Variants in ADGB observed in about 807,000 individuals in gnomAD.
ADGB encodes the protein androglobin, also known as calpain-7-like protein.
ADGB carries 172 observed loss-of-function variants against 210.5 expected under a neutral mutation model. That is an observed-to-expected ratio of 0.82 (90% CI 0.72 to 0.93). ADGB has a LOEUF of 0.93. Among genes scored for constraint, ADGB ranks in the 40% least tolerant of loss-of-function variants. ADGB has a pLI of 0.00. For missense variants in ADGB, 2,025 were observed against 1,964.8 expected (o/e 1.03, Z -0.58); for synonymous variants, 658 against 662.7 (o/e 0.99, Z 0.11).
At chr6:146,807,429 A>C in intron 35 of ADGB, 1 of 1,551,538 alleles carries the variant, frequency 6.4e-7, no homozygotes, top group Non-Finnish European at 8.7e-7. Flanking sequence ...CCGACAGAAA[A>C]TTTTCGACAT....
chr6:146,751,654 CTTAATAA>C (rs1284864068), intron 26 of ADGB, among the ~76,000 whole-genome samples: 4 of 151,924 alleles, frequency 2.6e-5, no homozygotes, highest in Non-Finnish European at 5.9e-5. Context: ...GTTTCCTGAC[CTTAATAA>C]TCATCATTCT....
intron 30 of ADGB, among the ~76,000 whole-genome samples, chr6:146,784,031 T>C (rs573756186): frequency 6.6e-6 from 1 of 152,350 alleles, no homozygotes; most frequent in African/African-American, 2.4e-5. Context: ...AAAATTTGCA[T>C]ACATGAAATG....
intron 13 of ADGB, among the ~76,000 whole-genome samples, chr6:146,709,656 T>C (rs989003650): frequency 6.6e-6 from 1 of 152,168 alleles, no homozygotes; most frequent in African/African-American, 2.4e-5. Flanking sequence ...CCAGGGTCTA[T>C]TGGGTGGCCT....
chr6:146,678,029 G>A (rs982830991), intron 9 of ADGB, among the ~76,000 whole-genome samples: 13 of 152,150 alleles, frequency 8.5e-5, no homozygotes, highest in Non-Finnish European at 7.4e-5. Context: ...TAAATATGAG[G>A]GTGGCCATGT....
At chr6:146,762,207 C>A (rs918559635) in intron 27 of ADGB, among the ~76,000 whole-genome samples, 1 of 151,994 alleles carries the variant, frequency 6.6e-6, no homozygotes, top group Non-Finnish European at 1.5e-5. Context: ...AATCACTTAT[C>A]CTCTTTTGAA....
At chr6:146,655,383 T>C (rs1157419443) in intron 4 of ADGB, among the ~76,000 whole-genome samples, 1 of 152,132 alleles carries the variant, frequency 6.6e-6, no homozygotes, top group Non-Finnish European at 1.5e-5. Flanking sequence ...AGCACAGCTG[T>C]CCTACTTCCT....
chr6:146,678,703 TA>T (rs1406329145), intron 9 of ADGB, among the ~76,000 whole-genome samples: 1 of 152,220 alleles, frequency 6.6e-6, no homozygotes, highest in Non-Finnish European at 1.5e-5. Flanking sequence ...GATTTAGTTT[TA>T]TAATGGCAGA....
chr6:146,687,054 A>T (rs1036296206), intron 10 of ADGB, among the ~76,000 whole-genome samples: 22 of 152,042 alleles, frequency 1.4e-4, no homozygotes, highest in Non-Finnish European at 5.9e-5. Flanking sequence ...GATAAAAATA[A>T]TTCCTTCCAC....
At chr6:146,794,998 G>A (rs9497632) in intron 33 of ADGB, among the ~76,000 whole-genome samples, 1 of 112,892 alleles carries the variant, frequency 8.9e-6, no homozygotes, top group African/African-American at 2.7e-5. Flanking sequence ...GAGAAATCTT[G>A]GAGAAAACAT....
At chr6:146,659,737 T>C (rs1775830021) in intron 5 of ADGB, among the ~76,000 whole-genome samples, 1 of 152,192 alleles carries the variant, frequency 6.6e-6, no homozygotes, top group Non-Finnish European at 1.5e-5. Context: ...TCTCCCGTCT[T>C]TCACCTGGGA....
chr6:146,758,858 T>C (rs6927967), intron 27 of ADGB, among the ~76,000 whole-genome samples: 80,270 of 151,662 alleles, frequency 0.53, 22,257 homozygotes, highest in African/African-American at 0.68. Flanking sequence ...ATGACCTCTT[T>C]TATTTTTCAC....
intron 9 of ADGB, among the ~76,000 whole-genome samples, chr6:146,683,733 T>C (rs1008187084): frequency 6.6e-6 from 1 of 152,094 alleles, no homozygotes; most frequent in Admixed American, 6.6e-5. Context: ...TTACATAATG[T>C]TATAAAGTAA....
At chr6:146,614,166 A>C (rs1007142034) in intron 1 of ADGB, among the ~76,000 whole-genome samples, 2 of 149,770 alleles carry the variant, frequency 1.3e-5, no homozygotes, top group Non-Finnish European at 3.0e-5. Context: ...TTATCCCCAA[A>C]CTTGTTTTCT....
At chr6:146,809,449 A>AC (rs370698847) in intron 35 of ADGB, among the ~76,000 whole-genome samples, 6 of 151,674 alleles carry the variant, frequency 4.0e-5, no homozygotes, top group South Asian at 2.1e-4. Context: ...CAGGTGATCC[A>AC]CCCCCCTCGG....
At chr6:146,613,992 G>C (rs1406248804) in intron 1 of ADGB, among the ~76,000 whole-genome samples, 2 of 151,778 alleles carry the variant, frequency 1.3e-5, no homozygotes, top group Non-Finnish European at 2.9e-5. Context: ...GCCAAGAATA[G>C]ATATATATAT....
intron 5 of ADGB, among the ~76,000 whole-genome samples, chr6:146,659,288 A>T (rs1026534214): frequency 2.0e-5 from 3 of 152,082 alleles, no homozygotes; most frequent in African/African-American, 7.2e-5. Flanking sequence ...TATTACTTCT[A>T]CTTCTTGATT....
intron 27 of ADGB, among the ~76,000 whole-genome samples, chr6:146,756,328 C>G (rs1777405758): frequency 6.6e-6 from 1 of 152,106 alleles, no homozygotes; most frequent in Non-Finnish European, 1.5e-5. Context: ...CCACGTGTGG[C>G]TCTACTTCTG....
At chr6:146,631,248 T>G (rs894801491) in intron 1 of ADGB, among the ~76,000 whole-genome samples, 1 of 152,204 alleles carries the variant, frequency 6.6e-6, no homozygotes, top group Non-Finnish European at 1.5e-5. Context: ...CTACAAAGAA[T>G]ATTTCTTTCA....
chr6:146,610,762 G>C (rs1025964100), intron 1 of ADGB, among the ~76,000 whole-genome samples: 2 of 152,188 alleles, frequency 1.3e-5, no homozygotes, highest in Non-Finnish European at 2.9e-5. Flanking sequence ...CACTCCAATG[G>C]GGGGTGGTTC....
Sources: gnomAD v4.1 joint callset for allele counts (sites outside exome capture counted in the v4.1 genomes callset) on GRCh38, gnomAD v4.1.1 for gene constraint, MANE v1.5 for transcripts, NCBI Gene and HGNC (gene_info 2026-07-23, HGNC 2026-07-21) for gene names.